Variants in SLC4A5 observed in about 807,000 individuals in gnomAD.
The protein encoded by SLC4A5 is solute carrier family 4 member 5.
SLC4A5 carries 96 observed loss-of-function variants against 120.4 expected under a neutral mutation model. The ratio of observed to expected loss-of-function variants is 0.80; its 90% CI spans 0.68 to 0.94. The LOEUF (loss-of-function observed/expected upper bound fraction) is 0.94, where lower values mean the gene tolerates loss of function less well. Ranked by LOEUF, SLC4A5 falls within the 40% of genes least tolerant of loss-of-function variation. The pLI, the probability that SLC4A5 is intolerant of heterozygous loss-of-function variation, is 0.00. For synonymous variants in SLC4A5, 550 were observed against 571.1 expected (o/e 0.96, Z 0.53); for missense variants, 1,259 against 1,459.5 (o/e 0.86, Z 2.24).
In SLC4A5 at chr2:74,328,190, T is replaced by C. The variant is rs1407612669; in HGVS notation, c.-69-4A>G. 4.1e-6 allele frequency: 4 copies of C among 985,720 alleles called. No individual in the cohort carries two copies. The highest frequency in any genetic ancestry group is 1.7e-5 in the African/African-American group (1 of 57,220). 61.1% of individuals were successfully genotyped at this position (985,720 alleles called of 1,614,324 possible). ...GCCAGAACCACTTGCTCTGTTCCTG[T>C]TGGGTGGCAAGAAGGGCTCTCTGTG... On this transcript the variant is annotated splice_polypyrimidine_tract_variant and splice_region_variant and intron_variant, in intron 4 of 30. Transcript: ENST00000394019.
chr2:74,323,374 A>C (rs915230400), intron 5 of SLC4A5, among the ~76,000 whole-genome samples: 2 of 152,216 alleles, frequency 1.3e-5, no homozygotes, highest in East Asian at 1.9e-4. Context: ...CATGTAAAAA[A>C]TCATTTTACT....
intron 20 of SLC4A5, among the ~76,000 whole-genome samples, chr2:74,240,300 TG>T (rs1670398305): frequency 6.6e-6 from 1 of 152,172 alleles, no homozygotes; most frequent in Admixed American, 6.5e-5. Flanking sequence ...AGGCTTTTCT[TG>T]GCCTCTCCAG....
At position 74,305,721 on chromosome 2, in the gene SLC4A5, C is replaced by CTTT. The variant is rs35627197; in HGVS notation, c.80-1044_80-1042dup. Among the ~76,000 whole-genome samples the CTTT allele has an allele frequency of 3.6e-3, 410 of 115,328 alleles. 19 individuals carry two copies. Among genetic ancestry groups the CTTT allele is most frequent in the African/African-American group, 0.014 (334 of 23,908 alleles). The allele number at this position is 115,328 out of a possible 152,430, so 75.7% of individuals were successfully genotyped here. On this transcript the variant is annotated intron_variant, in intron 6 of 30. Transcript: ENST00000394019. ...CCTCCCTCCAACTCCCTTTTCTTTC[C>CTTT]TTTTTTTTTTTTTTTTTTTTTGAGA...
intron 5 of SLC4A5, among the ~76,000 whole-genome samples, chr2:74,316,381 C>A (rs1672966920): frequency 6.6e-6 from 1 of 150,870 alleles, no homozygotes; most frequent in Non-Finnish European, 1.5e-5. Flanking sequence ...TCCTAAGCCT[C>A]CCCACCAACT....
chr2:74,236,517 T>C (rs957509350), intron 21 of SLC4A5, among the ~76,000 whole-genome samples: 1 of 152,222 alleles, frequency 6.6e-6, no homozygotes, highest in Non-Finnish European at 1.5e-5. Flanking sequence ...TTGTCGAAGC[T>C]GAGAACAATC....
At chr2:74,262,164 G>T (rs772297521) in exon 11 of SLC4A5, 8 of 1,613,686 alleles carry the variant, frequency 5.0e-6, no homozygotes, top group Non-Finnish European at 5.9e-6. Context: ...GCACTCTGCC[G>T]CATCCGCAGG....
In SLC4A5 at chr2:74,262,157, C is replaced by T. The variant is rs1291528123; in HGVS notation, c.791G>A (p.Ser264Asn). 4 of 1,613,752 alleles carry T rather than the reference C, an allele frequency of 2.5e-6. No homozygotes were observed. In the African/African-American group the frequency reaches 5.3e-5, roughly 22 times the overall value. ...CTCACACAGACGTCCGTAATTTGCA[C>T]TCTGCCGCATCCGCAGGTCTTCCGT... Residue 264 changes from serine (S) to asparagine (N), a missense_variant, in exon 11 of 31, where the codon AGT (serine) becomes AAT (asparagine). Coordinates refer to ENST00000394019, the Ensembl canonical transcript of SLC4A5.
At chr2:74,274,182 G>A (rs1671566915) in intron 8 of SLC4A5, among the ~76,000 whole-genome samples, 1 of 152,202 alleles carries the variant, frequency 6.6e-6, no homozygotes, top group African/African-American at 2.4e-5. Flanking sequence ...CTTAGAGGAT[G>A]AGGAGCCTGC....
At chr2:74,239,990 C>T (rs1670385947) in intron 20 of SLC4A5, among the ~76,000 whole-genome samples, 1 of 150,526 alleles carries the variant, frequency 6.6e-6, no homozygotes. Context: ...CCAAGGCATA[C>T]ACAACAGTGA....
intron 8 of SLC4A5, among the ~76,000 whole-genome samples, chr2:74,273,944 C>G (rs1000671754): frequency 5.3e-5 from 8 of 152,154 alleles, no homozygotes; most frequent in African/African-American, 1.7e-4. Context: ...CAGGCAGATC[C>G]CTTGAGGTCA....
rs1261476650 is a variant in SLC4A5 at position 74,235,222 on chromosome 2, C to A, written c.2320-8G>T. 1 of 1,610,544 alleles carries A rather than the reference C, an allele frequency of 6.2e-7. No homozygotes were observed. The highest frequency in any genetic ancestry group is 8.5e-7 in the Non-Finnish European group (1 of 1,177,530). The stretch of plus-strand genomic sequence containing the variant: ...AGCCACCAGGGCCCGGACCTGCAGA[C>A]AGGAGATGAGCAAGTAAAAGAAGTG... On this transcript the variant is annotated splice_region_variant and splice_polypyrimidine_tract_variant and intron_variant, in intron 21 of 30. Coordinates refer to ENST00000394019, the Ensembl canonical transcript of SLC4A5.
In SLC4A5 at chr2:74,264,740, G is replaced by A. The variant is rs987982742; in HGVS notation, c.562+364C>T. ...TTAAGGCAAGCCAACTCCTCCCTTC[G>A]ACACACCACTAAATGACAGCTAATT... On this transcript the variant is annotated intron_variant, in intron 9 of 30. Coordinates refer to ENST00000394019, the Ensembl canonical transcript of SLC4A5. Among the ~76,000 whole-genome samples, 7 of 152,068 alleles carry A rather than the reference G, an allele frequency of 4.6e-5. No individual in the cohort carries two copies. The East Asian group carries it at 7.7e-4, about 17-fold the overall frequency.
chr2:74,227,575 G>A (rs777011469), intron 26 of SLC4A5: 1 of 1,596,148 alleles, frequency 6.3e-7, no homozygotes, highest in Middle Eastern at 1.7e-4. Flanking sequence ...CTGTAAAATG[G>A]GGATCAGAGG....
At position 74,225,701 on chromosome 2, in the gene SLC4A5, T is replaced by G. The variant is rs1371242760; in HGVS notation, c.3091-706A>C. Among the ~76,000 whole-genome samples the G allele has an allele frequency of 2.6e-5, 4 of 152,242 alleles. No homozygotes were observed. The South Asian group carries it at 6.2e-4, about 24-fold the overall frequency. On this transcript the variant is annotated intron_variant, in intron 27 of 30. Transcript: ENST00000394019. Reference sequence around the variant, plus strand: ...CACAAATCACTGGATTCCCCCAGTTTCTGATTTAGCAGGTCAGGTAATGCC... The same window carrying G: ...CACAAATCACTGGATTCCCCCAGTTGCTGATTTAGCAGGTCAGGTAATGCC...
chr2:74,287,435 A>G (rs747872161), intron 7 of SLC4A5, among the ~76,000 whole-genome samples: 1 of 152,106 alleles, frequency 6.6e-6, no homozygotes, highest in Non-Finnish European at 1.5e-5. Flanking sequence ...AACTCAGTTG[A>G]GTGAGCAGGA....
At chr2:74,272,364 G>A (rs943350708) in intron 8 of SLC4A5, among the ~76,000 whole-genome samples, 1 of 152,172 alleles carries the variant, frequency 6.6e-6, no homozygotes, top group Non-Finnish European at 1.5e-5. Context: ...TAAAGGAATG[G>A]CCTCTGTAAA....
At chr2:74,319,369 A>G (rs1312520063) in intron 5 of SLC4A5, 1 of 152,178 alleles carries the variant, frequency 6.6e-6, no homozygotes, top group Non-Finnish European at 1.5e-5. Context: ...ATTTTAAAAC[A>G]TTTAGGTTCT....
At chr2:74,240,540 T>C (rs923125609) in intron 20 of SLC4A5, among the ~76,000 whole-genome samples, 1 of 152,200 alleles carries the variant, frequency 6.6e-6, no homozygotes, top group Non-Finnish European at 1.5e-5. Context: ...TGACTGATTC[T>C]GTTCTTTCTC....
intron 6 of SLC4A5, among the ~76,000 whole-genome samples, chr2:74,305,393 T>A (rs1672609986): frequency 6.6e-6 from 1 of 152,140 alleles, no homozygotes; most frequent in African/African-American, 2.4e-5. Flanking sequence ...ATTTACAGAA[T>A]TATTGAGCAG....
Sources: allele counts gnomAD v4.1 joint callset (sites outside exome capture counted in the v4.1 genomes callset), GRCh38; gene constraint gnomAD v4.1.1; transcripts MANE v1.5; gene names NCBI Gene and HGNC (gene_info 2026-07-23, HGNC 2026-07-21).